The following MBD2 variants were observed in gnomAD, a reference collection of about 807,000 sequenced individuals.
MBD2 encodes the protein methyl-CpG binding domain protein 2, also known as methyl-CpG-binding domain protein 2.
A neutral mutation model predicts 39.3 loss-of-function variants in MBD2; 9 were observed. The observed-to-expected ratio is 0.23, with a 90% CI of 0.14 to 0.40. The LOEUF is 0.40. MBD2 is among the 10% of genes least tolerant of loss of function. MBD2 has a pLI of 1.00. For missense variants in MBD2, 458 were observed against 532.6 expected (o/e 0.86, Z 1.38); for synonymous variants, 233 against 211.1 (o/e 1.10, Z -0.90).
At position 54,224,493 on chromosome 18, in the gene MBD2, C is replaced by T; in HGVS notation, c.67G>A (p.Gly23Ser). The T allele has an allele frequency of 8.1e-7, 1 of 1,234,180 alleles. No individual in the cohort carries two copies. Among genetic ancestry groups the T allele is most frequent in the Non-Finnish European group, 1.0e-6 (1 of 990,412 alleles). 76.5% of individuals were successfully genotyped at this position (1,234,180 alleles called of 1,614,324 possible). ...GCGGAGTCGCCGCCAGCGCCGCTGCCGCCCGCCGCACTCTCCCCCTCCTCC... is the reference window on the plus strand; with the variant it reads ...GCGGAGTCGCCGCCAGCGCCGCTGCTGCCCGCCGCACTCTCCCCCTCCTCC... ...EQEEGESAAGGSGAGGDSAIE... is the reference protein window; with the variant it reads ...EQEEGESAAGSSGAGGDSAIE... Residue 23 changes from glycine (G) to serine (S), a missense_variant, in exon 1 of 7, where the codon GGC becomes AGC. Physicochemically the swap from Gly to Ser is moderately conservative, Grantham distance 56 (BLOSUM62 0). This residue lies in a region of MBD2 where 269 missense variants were observed against 236.0 expected (regional missense o/e 1.14). Transcript: ENST00000256429.
At chr18:54,168,100 C>T (rs2086148989) in intron 3 of MBD2, among the ~76,000 whole-genome samples, 1 of 150,630 alleles carries the variant, frequency 6.6e-6, no homozygotes, top group Non-Finnish European at 1.5e-5. Context: ...ATTATAAAAG[C>T]ACTTATTAAT....
At chr18:54,216,118 AT>A (rs1288943483) in intron 1 of MBD2, among the ~76,000 whole-genome samples, 2 of 152,138 alleles carry the variant, frequency 1.3e-5, no homozygotes, top group African/African-American at 2.4e-5. Context: ...TTGAAGATAG[AT>A]TTTTTTCAAG....
At position 54,154,452 on chromosome 18, in the gene MBD2, G is replaced by A. The variant is rs1165614244; in HGVS notation, c.*872C>T. 2 of 152,146 alleles carry A rather than the reference G, an allele frequency of 1.3e-5. No individual in the cohort carries two copies. The highest frequency in any genetic ancestry group is 6.5e-5 in the Admixed American group (1 of 15,276). 9.4% of individuals were successfully genotyped at this position (152,146 alleles called of 1,614,324 possible). On this transcript the variant is annotated 3_prime_UTR_variant, in exon 7 of 7. Transcript: ENST00000256429. ...CACCTGATAACTCAGTAAGCTAGTGGACGTTAGAGAGTGCCAAACATTCTT... is the reference window on the plus strand; with the variant it reads ...CACCTGATAACTCAGTAAGCTAGTGAACGTTAGAGAGTGCCAAACATTCTT...
At chr18:54,176,912 T>C (rs1043332706) in intron 3 of MBD2, among the ~76,000 whole-genome samples, 1 of 152,176 alleles carries the variant, frequency 6.6e-6, no homozygotes, top group African/African-American at 2.4e-5. Context: ...GATAGATGAA[T>C]AAACCAAAGG....
intron 1 of MBD2, among the ~76,000 whole-genome samples, chr18:54,214,410 G>A (rs1159593106): frequency 6.6e-6 from 1 of 151,902 alleles, no homozygotes; most frequent in Non-Finnish European, 1.5e-5. Context: ...TGTTAGCCAG[G>A]CTGGTCTCAA....
intron 5 of MBD2, among the ~76,000 whole-genome samples, chr18:54,164,060 A>AT (rs1246957688): frequency 6.6e-6 from 1 of 151,968 alleles, no homozygotes; most frequent in Admixed American, 6.6e-5. Flanking sequence ...ATTGTTAAAA[A>AT]TTTTTTGTGG....
At chr18:54,166,810 T>A (rs1201307123) in intron 3 of MBD2, among the ~76,000 whole-genome samples, 1 of 152,214 alleles carries the variant, frequency 6.6e-6, no homozygotes, top group East Asian at 1.9e-4. Flanking sequence ...CATCAGTGAG[T>A]ACACTGAGTG....
chr18:54,194,369 TTTC>T (rs1446149751), intron 2 of MBD2, among the ~76,000 whole-genome samples: 2 of 152,004 alleles, frequency 1.3e-5, no homozygotes, highest in South Asian at 2.1e-4. Context: ...TCCAAACTTA[TTTC>T]TTATTTTAAA....
At chr18:54,195,619 G>A (rs2086359257) in intron 2 of MBD2, among the ~76,000 whole-genome samples, 2 of 151,942 alleles carry the variant, frequency 1.3e-5, no homozygotes, top group South Asian at 4.1e-4. Flanking sequence ...TGCTGCTGCT[G>A]CTACAAATGC....
chr18:54,224,038 C>A lies in MBD2; in HGVS notation c.522G>T (p.Lys174Asn). The change falls in exon 1 of 7, where the codon AAG becomes AAT. Residue 174 changes from lysine (K) to asparagine (N), a missense_variant. Coordinates refer to ENST00000256429, the MANE Select transcript of MBD2 (RefSeq NM_003927.5). ...VIRKSGLSAG[K>N]SDVYYFSPSG... ...GGTACCTGAAGTAGTAGACATCGCT[C>A]TTGCCAGCACTTAGCCCAGATTTTC... 6.2e-7 allele frequency: 1 copy of A among 1,604,288 alleles called. No individual in the cohort carries two copies. Among genetic ancestry groups the A allele is most frequent in the Non-Finnish European group, 8.5e-7 (1 of 1,176,188 alleles).
chr18:54,163,766 C>G (rs1235631850), intron 5 of MBD2, among the ~76,000 whole-genome samples: 1 of 152,014 alleles, frequency 6.6e-6, no homozygotes, highest in Non-Finnish European at 1.5e-5. Flanking sequence ...TCTTGCTCTA[C>G]CGTGTCACAA....
intron 3 of MBD2, 60 bp downstream of exon 3, chr18:54,188,814 C>A (rs2086300385): frequency 1.3e-6 from 2 of 1,504,218 alleles, no homozygotes; most frequent in South Asian, 2.7e-5. Context: ...TGAATTATTT[C>A]TGGTAAAAAT....
At chr18:54,161,072 T>A (rs1053911982) in intron 5 of MBD2, among the ~76,000 whole-genome samples, 1 of 152,148 alleles carries the variant, frequency 6.6e-6, no homozygotes, top group Non-Finnish European at 1.5e-5. Flanking sequence ...AGCAATGCTA[T>A]AGAAGATTGC....
intron 3 of MBD2, among the ~76,000 whole-genome samples, chr18:54,180,434 C>A (rs994360704): frequency 6.6e-6 from 1 of 152,040 alleles, no homozygotes; most frequent in African/African-American, 2.4e-5. Context: ...TTACCCTACC[C>A]AGAAAAATTT....
chr18:54,190,170 TAAGG>T (rs1276503794), intron 2 of MBD2, among the ~76,000 whole-genome samples: 1 of 152,194 alleles, frequency 6.6e-6, no homozygotes, highest in Non-Finnish European at 1.5e-5. Flanking sequence ...AAAAATGTGA[TAAGG>T]AAGTGTTCCT....
At chr18:54,207,822 G>A (rs2086462654) in intron 1 of MBD2, among the ~76,000 whole-genome samples, 1 of 151,978 alleles carries the variant, frequency 6.6e-6, no homozygotes, top group Non-Finnish European at 1.5e-5. Flanking sequence ...CAGATCACGA[G>A]GTCAGAAGAT....
chr18:54,203,405 T>TAC (rs1043168640), intron 2 of MBD2, among the ~76,000 whole-genome samples: 6 of 152,194 alleles, frequency 3.9e-5, no homozygotes, highest in African/African-American at 1.2e-4. Flanking sequence ...CACAGTGATT[T>TAC]ACACACACAC....
chr18:54,180,429 C>A (rs540389630), intron 3 of MBD2, among the ~76,000 whole-genome samples: 1 of 152,198 alleles, frequency 6.6e-6, no homozygotes, highest in Non-Finnish European at 1.5e-5. Context: ...ATTACTTACC[C>A]TACCCAGAAA....
chr18:54,223,929 GC>G, intron 1 of MBD2, 88 bp downstream of exon 1: 1 of 1,119,152 alleles, frequency 8.9e-7, no homozygotes, highest in Non-Finnish European at 1.2e-6. Flanking sequence ...TGCCCCCCGG[GC>G]CCCAGCGCTC....
Sources: gnomAD v4.1 joint callset for allele counts (sites outside exome capture counted in the v4.1 genomes callset) on GRCh38, gnomAD v4.1.1 for gene constraint, gnomAD v4.1.1 regional missense constraint, MANE v1.5 for transcripts, NCBI Gene and HGNC (gene_info 2026-07-23, HGNC 2026-07-21) for gene names.